CNTNAP2: variants seen among roughly 807,000 people sequenced by gnomAD.
CNTNAP2 encodes contactin-associated protein-like 2.
Under a neutral mutation model 155.2 loss-of-function variants are expected in CNTNAP2, and 98 were observed. The observed-to-expected ratio is 0.63, with a 90% CI of 0.54 to 0.75. The LOEUF (loss-of-function observed/expected upper bound fraction) is 0.75, where lower values mean the gene tolerates loss of function less well. Among genes scored for constraint, CNTNAP2 ranks in the 30% least tolerant of loss-of-function variants. CNTNAP2 has a pLI of 0.00. For synonymous variants in CNTNAP2, 651 were observed against 631.2 expected (o/e 1.03, Z -0.47); for missense variants, 1,727 against 1,688.1 (o/e 1.02, Z -0.40).
intron 11 of CNTNAP2, among the ~76,000 whole-genome samples, chr7:147,539,326 TA>T (rs1482736994): frequency 2.6e-5 from 4 of 152,118 alleles, no homozygotes; most frequent in Non-Finnish European, 5.9e-5. Context: ...TGAGATACAT[TA>T]TAGTGCTATT....
intron 1 of CNTNAP2, among the ~76,000 whole-genome samples, chr7:146,699,793 C>A (rs1414364428): frequency 5.3e-5 from 8 of 151,954 alleles, no homozygotes; most frequent in Admixed American, 1.3e-4. Context: ...CACAGCGAAA[C>A]CCCGTCTCTA....
At chr7:146,663,966 G>A (rs985798996) in intron 1 of CNTNAP2, among the ~76,000 whole-genome samples, 3 of 152,208 alleles carry the variant, frequency 2.0e-5, no homozygotes, top group Admixed American at 6.5e-5. Flanking sequence ...AAAACGTTCA[G>A]TCTTTTCCCA....
At chr7:146,332,044 T>A (rs1388749009) in intron 1 of CNTNAP2, among the ~76,000 whole-genome samples, 1 of 152,062 alleles carries the variant, frequency 6.6e-6, no homozygotes, top group Non-Finnish European at 1.5e-5. Flanking sequence ...TATGTAAAAA[T>A]ATATATACAT....
At chr7:148,233,757 G>C (rs1796002240) in intron 20 of CNTNAP2, among the ~76,000 whole-genome samples, 1 of 152,172 alleles carries the variant, frequency 6.6e-6, no homozygotes, top group South Asian at 2.1e-4. Context: ...ATTCCCATCT[G>C]ATGTGTTTTG....
chr7:147,830,123 G>T (rs938074359), intron 13 of CNTNAP2, among the ~76,000 whole-genome samples: 1 of 151,428 alleles, frequency 6.6e-6, no homozygotes, highest in African/African-American at 2.4e-5. Context: ...ATTGTGAGTG[G>T]CTTGGAGTAC....
chr7:148,311,528 C>T (rs899657760), intron 21 of CNTNAP2, among the ~76,000 whole-genome samples: 1 of 152,080 alleles, frequency 6.6e-6, no homozygotes, highest in African/African-American at 2.4e-5. Context: ...CCCCTGCCAG[C>T]AAAGATCATC....
intron 1 of CNTNAP2, among the ~76,000 whole-genome samples, chr7:146,557,476 G>C (rs1428676297): frequency 6.6e-6 from 1 of 152,016 alleles, no homozygotes; most frequent in Non-Finnish European, 1.5e-5. Flanking sequence ...TTGTCTATTA[G>C]AGTATACAGT....
In CNTNAP2 at chr7:146,793,457, T is replaced by C. The variant is rs111876365; in HGVS notation, c.208+19076T>C. 2.8e-3 allele frequency among the ~76,000 whole-genome samples: 425 copies of C among 152,346 alleles called. 6 individuals are homozygous for C. The highest frequency in any genetic ancestry group is 9.5e-3 in the African/African-American group (395 of 41,576). On this transcript the variant is annotated intron_variant, in intron 2 of 23. Transcript: ENST00000361727. ...CCTGGGGATGTGCAGGGTGTAATCA[T>C]ATGCAGTGGCATTAATCTTTGGGGA... is the stretch of plus-strand genomic sequence containing the variant.
At chr7:147,084,572 A>G (rs1220100354) in intron 4 of CNTNAP2, among the ~76,000 whole-genome samples, 2 of 146,172 alleles carry the variant, frequency 1.4e-5, no homozygotes, top group African/African-American at 4.9e-5. Flanking sequence ...ATACATGTAT[A>G]TACATATGTA....
chr7:146,959,408 G>A (rs1235319828), intron 3 of CNTNAP2, among the ~76,000 whole-genome samples: 1 of 151,908 alleles, frequency 6.6e-6, no homozygotes, highest in Non-Finnish European at 1.5e-5. Flanking sequence ...AGATGACACC[G>A]TAAAATTATT....
intron 14 of CNTNAP2, among the ~76,000 whole-genome samples, chr7:147,920,785 G>A (rs958063195): frequency 6.7e-5 from 10 of 148,314 alleles, no homozygotes; most frequent in African/African-American, 2.0e-4. Context: ...GCAATTTCAC[G>A]TATGTGCTTC....
Position 146,901,870 on chromosome 7 carries a change from C to CTTTTTTT in CNTNAP2, c.402+61983_402+61989dup, listed in dbSNP as rs71165048. On this transcript the variant is annotated intron_variant, in intron 3 of 23. Coordinates refer to ENST00000361727, the MANE Select transcript of CNTNAP2 (RefSeq NM_014141.6). ...TACAGTTTTTCTTGCATATATGCTC[C>CTTTTTTT]TTTTTTTTTTTTTTTTTTTTTTTGA... is the stretch of plus-strand genomic sequence containing the variant. Among the ~76,000 whole-genome samples, 46 of 88,224 alleles carry CTTTTTTT rather than the reference C, an allele frequency of 5.2e-4. 4 individuals carry two copies. Among genetic ancestry groups the CTTTTTTT allele is most frequent in the Middle Eastern group, 0.011 (1 of 94 alleles). The allele number at this position is 88,224 out of a possible 152,430, so 57.9% of individuals were successfully genotyped here. A position where few individuals can be genotyped will look rare whatever the true frequency, so the allele number is the denominator to read the frequency against.
At chr7:146,133,921 T>G (rs1351370496) in intron 1 of CNTNAP2, among the ~76,000 whole-genome samples, 4 of 151,678 alleles carry the variant, frequency 2.6e-5, no homozygotes, top group African/African-American at 9.7e-5. Flanking sequence ...CCATATGAAC[T>G]TTAAAGTAGT....
intron 1 of CNTNAP2, among the ~76,000 whole-genome samples, chr7:146,444,572 C>T (rs1796374248): frequency 6.6e-6 from 1 of 151,982 alleles, no homozygotes. Context: ...CCAGAAGTAT[C>T]ATGAACTGTT....
At chr7:146,859,839 GA>G (rs1279869593) in intron 3 of CNTNAP2, among the ~76,000 whole-genome samples, 1 of 151,730 alleles carries the variant, frequency 6.6e-6, no homozygotes, top group Non-Finnish European at 1.5e-5. Flanking sequence ...GAAGGAAAGA[GA>G]ACCAAAGATA....
At chr7:148,261,990 G>GT (rs1796571420) in intron 20 of CNTNAP2, among the ~76,000 whole-genome samples, 1 of 152,206 alleles carries the variant, frequency 6.6e-6, no homozygotes, top group Non-Finnish European at 1.5e-5. Flanking sequence ...GAATTCCATT[G>GT]TTTATCATAG....
intron 11 of CNTNAP2, among the ~76,000 whole-genome samples, chr7:147,526,168 G>T (rs905548481): frequency 1.3e-5 from 2 of 150,482 alleles, no homozygotes; most frequent in African/African-American, 4.9e-5. Context: ...CTCCAGCCTG[G>T]GAGACAGAGT....
chr7:148,188,091 T>C (rs1795148542), intron 18 of CNTNAP2, among the ~76,000 whole-genome samples: 1 of 152,010 alleles, frequency 6.6e-6, no homozygotes, highest in African/African-American at 2.4e-5. Flanking sequence ...ACCCATGAGT[T>C]TAGATGGAAA....
In CNTNAP2 at chr7:146,447,046, C is replaced by T. The variant is rs1192795381; in HGVS notation, c.98-327225C>T. On this transcript the variant is annotated intron_variant, in intron 1 of 23. Coordinates refer to ENST00000361727, the MANE Select transcript of CNTNAP2 (RefSeq NM_014141.6). ...GATATCTATTATAAAGAGAAAAATTCAAAACAGTATCTTAGGAAGGCACTG... is the reference window on the plus strand; with the variant it reads ...GATATCTATTATAAAGAGAAAAATTTAAAACAGTATCTTAGGAAGGCACTG... Among the ~76,000 whole-genome samples the T allele has an allele frequency of 2.6e-5, 4 of 151,988 alleles. No individual in the cohort carries two copies. In the East Asian group the frequency reaches 5.8e-4, roughly 22 times the overall value.
Sources: allele counts gnomAD v4.1 joint callset (sites outside exome capture counted in the v4.1 genomes callset), GRCh38; gene constraint gnomAD v4.1.1; transcripts MANE v1.5; gene names NCBI Gene and HGNC (gene_info 2026-07-23, HGNC 2026-07-21).